The following RELN variants were observed in gnomAD, a reference collection of about 807,000 sequenced individuals.
RELN encodes the protein reelin.
RELN carries 108 observed loss-of-function variants against 427.6 expected under a neutral mutation model. The ratio of observed to expected loss-of-function variants is 0.25; its 90% CI spans 0.22 to 0.30. The LOEUF (loss-of-function observed/expected upper bound fraction) is 0.30, where lower values mean the gene tolerates loss of function less well. Ranked by LOEUF, RELN falls within the 10% of genes least tolerant of loss-of-function variation. The probability of loss-of-function intolerance (pLI) is 1.00; values close to 1 mark genes in which losing one functional copy is unlikely to be tolerated. For missense variants in RELN, 3,715 were observed against 4,302.8 expected (o/e 0.86, Z 3.82); for synonymous variants, 1,524 against 1,513.4 (o/e 1.01, Z -0.16).
chr7:103,692,194 A>T (rs952155494), intron 10 of RELN, among the ~76,000 whole-genome samples: 2 of 152,126 alleles, frequency 1.3e-5, no homozygotes, highest in Non-Finnish European at 2.9e-5. Context: ...TCCCAGTGGG[A>T]TCACGAAGGG....
intron 3 of RELN, among the ~76,000 whole-genome samples, chr7:103,796,875 C>CAAAAAAAAAA (rs1310087423): frequency 4.7e-4 from 31 of 66,442 alleles, no homozygotes; most frequent in Non-Finnish European, 5.9e-4. Flanking sequence ...CTCCATCTCA[C>CAAAAAAAAAA]AAAAAAAAAA....
chr7:103,863,738 T>C (rs1794126573), intron 2 of RELN, among the ~76,000 whole-genome samples: 1 of 152,152 alleles, frequency 6.6e-6, no homozygotes, highest in Non-Finnish European at 1.5e-5. Context: ...AGCCCCATTC[T>C]ACAGATGAGG....
intron 10 of RELN, among the ~76,000 whole-genome samples, chr7:103,692,172 T>C (rs1291156651): frequency 6.6e-6 from 1 of 152,192 alleles, no homozygotes; most frequent in Non-Finnish European, 1.5e-5. Flanking sequence ...TTCTAGGTTG[T>C]CTGAGATCCT....
Position 103,824,511 on chromosome 7 carries a change from T to C in RELN, c.473+9026A>G, listed in dbSNP as rs946007905. Among the ~76,000 whole-genome samples the C allele has an allele frequency of 6.6e-6, 1 of 152,054 alleles. No individual in the cohort carries two copies. Among genetic ancestry groups the C allele is most frequent in the Non-Finnish European group, 1.5e-5 (1 of 68,000 alleles). On this transcript the variant is annotated intron_variant, in intron 3 of 64. Transcript: ENST00000428762. This position sits in a 1 kb window ranked among gnomAD's most constrained non-coding sequence, Gnocchi z 4.4. ...AGGTTAAAACTCCAGATCTAGGACCTAAATCAGGTTTAAGAGACCTGCAGG... is the reference window on the plus strand; with the variant it reads ...AGGTTAAAACTCCAGATCTAGGACCCAAATCAGGTTTAAGAGACCTGCAGG...
Position 103,949,078 on chromosome 7 carries a change from C to T in RELN, c.227-31893G>A, listed in dbSNP as rs1024221304. ...ATACATATATATGGGTATATATATA[C>T]ACACATACATGCACACACACACGCA... On this transcript the variant is annotated intron_variant, in intron 1 of 64. Transcript: ENST00000428762. 3.5e-5 allele frequency among the ~76,000 whole-genome samples: 5 copies of T among 142,780 alleles called. No homozygotes were observed. The South Asian group carries it at 9.2e-4, about 26-fold the overall frequency. 93.7% of individuals were successfully genotyped at this position (142,780 alleles called of 152,430 possible). A position where few individuals can be genotyped will look rare whatever the true frequency, so the allele number is the denominator to read the frequency against.
intron 2 of RELN, among the ~76,000 whole-genome samples, chr7:103,864,322 CTT>C (rs905731767): frequency 2.0e-5 from 3 of 152,130 alleles, no homozygotes; most frequent in Non-Finnish European, 4.4e-5. Flanking sequence ...GGTCCACCCT[CTT>C]TAACAAAATT....
At chr7:103,677,233 A>G (rs2115666391) in intron 11 of RELN, among the ~76,000 whole-genome samples, 3 of 138,224 alleles carry the variant, frequency 2.2e-5, no homozygotes, top group South Asian at 2.4e-4. Context: ...GGACATAGGG[A>G]GGGGAACATC....
At chr7:103,662,625 C>CAAAAA (rs747230376) in intron 11 of RELN, among the ~76,000 whole-genome samples, 48 of 76,772 alleles carry the variant, frequency 6.3e-4, no homozygotes, top group East Asian at 1.4e-3. Context: ...GACTCCGTCA[C>CAAAAA]AAAAAAAAAA....
chr7:103,572,552 T>G (rs1457900107), intron 30 of RELN, among the ~76,000 whole-genome samples: 3 of 152,112 alleles, frequency 2.0e-5, no homozygotes, highest in Non-Finnish European at 4.4e-5. Context: ...TATTTTTTTT[T>G]TTGAGACGGA....
intron 1 of RELN, among the ~76,000 whole-genome samples, chr7:103,926,889 A>T (rs1563095437): frequency 1.9e-5 from 2 of 104,302 alleles, no homozygotes; most frequent in Non-Finnish European, 3.8e-5. Context: ...CTCGTGATCC[A>T]CCCCCTTGGC....
chr7:103,560,755 T>C lies in RELN; in HGVS notation c.5529+777A>G, dbSNP rs532920589. On this transcript the variant is annotated intron_variant, in intron 36 of 64. Coordinates refer to ENST00000428762, the MANE Select transcript of RELN (RefSeq NM_005045.4). ...CTCTCTCAGGCCCTATGCATTTCTT[T>C]CTTTCTCATCCAAAACTTGAGAAGG... is the stretch of plus-strand genomic sequence containing the variant. 1.5e-4 allele frequency among the ~76,000 whole-genome samples: 23 copies of C among 152,346 alleles called. No homozygotes were observed. The East Asian group carries it at 4.0e-3, about 27-fold the overall frequency.
At chr7:103,850,016 C>T (rs1320586451) in intron 2 of RELN, among the ~76,000 whole-genome samples, 1 of 152,158 alleles carries the variant, frequency 6.6e-6, no homozygotes, top group Non-Finnish European at 1.5e-5. Flanking sequence ...GGAACATCTC[C>T]ATAATTTCAT....
intron 11 of RELN, among the ~76,000 whole-genome samples, chr7:103,662,823 C>A (rs559223664): frequency 6.6e-6 from 1 of 152,098 alleles, no homozygotes; most frequent in African/African-American, 2.4e-5. Context: ...AAACTGCATA[C>A]ATGATTACAT....
At chr7:103,867,160 G>T (rs1320803786) in intron 2 of RELN, among the ~76,000 whole-genome samples, 1 of 152,034 alleles carries the variant, frequency 6.6e-6, no homozygotes, top group African/African-American at 2.4e-5. Context: ...TTTACCTGAA[G>T]CAATTTAACT....
chr7:103,488,939 G>T (rs770547579), intron 60 of RELN, among the ~76,000 whole-genome samples: 3 of 152,220 alleles, frequency 2.0e-5, no homozygotes, highest in Non-Finnish European at 4.4e-5. Context: ...TTAATTCAAA[G>T]AAGATTTATT....
Position 103,604,197 on chromosome 7 carries a change from A to G in RELN, c.3146+149T>C, listed in dbSNP as rs865942967. 12 of 898,646 alleles carry G rather than the reference A, an allele frequency of 1.3e-5. No individual in the cohort carries two copies. In the Middle Eastern group the frequency reaches 2.1e-3, roughly 158 times the overall value. The allele number at this position is 898,646 out of a possible 1,614,324, so 55.7% of individuals were successfully genotyped here. A position where few individuals can be genotyped will look rare whatever the true frequency, so the allele number is the denominator to read the frequency against. On this transcript the variant is annotated intron_variant, in intron 23 of 64. Coordinates refer to ENST00000428762, the MANE Select transcript of RELN (RefSeq NM_005045.4). Reference sequence around the variant, plus strand: ...TAATGTAACAATAGCTTTTACATCTAAAATACAAACAGAAAGGAGGACTTG... The same window carrying G: ...TAATGTAACAATAGCTTTTACATCTGAAATACAAACAGAAAGGAGGACTTG...
At chr7:103,704,596 G>C (rs1276450586) in intron 8 of RELN, among the ~76,000 whole-genome samples, 4 of 151,210 alleles carry the variant, frequency 2.6e-5, no homozygotes, top group South Asian at 2.1e-4. Flanking sequence ...TCTTCCTCCT[G>C]TATCATCAAT....
intron 46 of RELN, among the ~76,000 whole-genome samples, chr7:103,527,835 T>C (rs958421932): frequency 2.6e-5 from 4 of 152,170 alleles, no homozygotes; most frequent in African/African-American, 9.7e-5. Flanking sequence ...AAGCCCAACA[T>C]CATCAGCCTT....
chr7:103,960,984 CAA>C (rs1421331123), intron 1 of RELN, among the ~76,000 whole-genome samples: 1 of 152,178 alleles, frequency 6.6e-6, no homozygotes, highest in Admixed American at 6.5e-5. Context: ...TGTGTGCACA[CAA>C]GAGGGACATT....
Sources: allele counts gnomAD v4.1 joint callset (sites outside exome capture counted in the v4.1 genomes callset), GRCh38; gene constraint gnomAD v4.1.1; non-coding constraint Gnocchi (gnomAD v3.1); transcripts MANE v1.5; gene names NCBI Gene and HGNC (gene_info 2026-07-23, HGNC 2026-07-21).